Variants in CACNA1C observed in about 807,000 individuals in gnomAD.
The protein encoded by CACNA1C is calcium voltage-gated channel subunit alpha1 C, also known as voltage-dependent L-type calcium channel subunit alpha-1C.
Under a neutral mutation model 229.0 loss-of-function variants are expected in CACNA1C, and 30 were observed. The ratio of observed to expected loss-of-function variants is 0.13; its 90% confidence interval spans 0.10 to 0.18. The LOEUF (loss-of-function observed/expected upper bound fraction) is 0.18, where lower values mean the gene tolerates loss of function less well. CACNA1C is among the 10% of genes least tolerant of loss of function. CACNA1C has a pLI of 1.00. For missense variants in CACNA1C, 1,658 were observed against 2,845.0 expected, an observed-to-expected ratio of 0.58 and a Z score of 9.49; for synonymous variants, 1,114 against 1,132.5, an observed-to-expected ratio of 0.98 and a Z score of 0.33.
chr12:2,660,033 C>T (rs573942359), intron 34 of CACNA1C: 1 of 170,292 alleles, frequency 5.9e-6, no homozygotes, highest in Non-Finnish European at 1.3e-5. Context: ...AGCATATGGC[C>T]TCAGAAGTCG....
intron 9 of CACNA1C, among the ~76,000 whole-genome samples, chr12:2,518,173 G>A (rs1424189394): frequency 6.6e-6 from 1 of 152,218 alleles, no homozygotes; most frequent in African/African-American, 2.4e-5. Context: ...ACATATTACT[G>A]AGACAGGAAA....
intron 5 of CACNA1C, among the ~76,000 whole-genome samples, chr12:2,477,819 C>G (rs896500704): frequency 6.6e-5 from 10 of 152,136 alleles, no homozygotes; most frequent in Non-Finnish European, 1.2e-4. Context: ...TTGCCACTTC[C>G]AGGCCACCCT....
In CACNA1C at chr12:2,181,670, ATAT is replaced by A. The variant is rs1420857539; in HGVS notation, c.477+61242_477+61244del. 6.6e-6 allele frequency among the ~76,000 whole-genome samples: 1 copy of A among 152,150 alleles called. No homozygotes were observed. The highest frequency in any genetic ancestry group is 1.5e-5 in the Non-Finnish European group (1 of 68,030). ...CAGGGCAAGAAAAAGAAGAGCAATAATATTCTAGTTATTGTAGGCCAGGGGACC... is the reference window on the plus strand; with the variant it reads ...CAGGGCAAGAAAAAGAAGAGCAATAATCTAGTTATTGTAGGCCAGGGGACC... On this transcript the variant is annotated intron_variant, in intron 3 of 46. Coordinates refer to ENST00000399655, the MANE Select transcript of CACNA1C (RefSeq NM_000719.7). This position sits in a 1 kb window ranked among gnomAD's most constrained non-coding sequence, Gnocchi z 4.0.
At chr12:2,309,153 C>G (rs1209949074) in intron 3 of CACNA1C, among the ~76,000 whole-genome samples, 1 of 152,130 alleles carries the variant, frequency 6.6e-6, no homozygotes, top group Non-Finnish European at 1.5e-5. Flanking sequence ...GAATATTATT[C>G]AGTCTTAAAA....
In CACNA1C at chr12:2,034,391, G is replaced by A. The variant is rs917332612; in HGVS notation, c.139+63190G>A. On this transcript the variant is annotated intron_variant, in intron 1 of 46. Transcript: ENST00000682462. The surrounding 1 kb of genome is among the most constrained non-coding windows in gnomAD (Gnocchi z 4.1). ...AGATGTCAGAGGAACGAGATTCCAC[G>A]CAACCTGATAAAGAACTTGCTCATG... 6.6e-6 allele frequency among the ~76,000 whole-genome samples: 1 copy of A among 152,200 alleles called. No individual in the cohort carries two copies. Among genetic ancestry groups the A allele is most frequent in the East Asian group, 1.9e-4 (1 of 5,192 alleles).
intron 1 of CACNA1C, among the ~76,000 whole-genome samples, chr12:2,101,979 C>A (rs2283283): frequency 6.6e-6 from 1 of 151,922 alleles, no homozygotes; most frequent in Non-Finnish European, 1.5e-5. Flanking sequence ...GGGACAGTTA[C>A]GTTTTGAGTC....
Position 2,633,459 on chromosome 12 carries a change from C to T in CACNA1C, c.3829-838C>T, listed in dbSNP as rs1250682006. Among the ~76,000 whole-genome samples the T allele has an allele frequency of 6.6e-6, 1 of 152,160 alleles. No homozygotes were observed. The highest frequency in any genetic ancestry group is 1.5e-5 in the Non-Finnish European group (1 of 68,012). On this transcript the variant is annotated intron_variant, in intron 29 of 46. Coordinates refer to ENST00000399655, the MANE Select transcript of CACNA1C (RefSeq NM_000719.7). The surrounding 1 kb of genome is among the most constrained non-coding windows in gnomAD (Gnocchi z 5.8). Reference sequence around the variant, plus strand: ...GTAGGGTTAGAGTGTCGCCTCCCTGCTGCTCCTTCCTTGCTGGTGCTCCTG... The same window carrying T: ...GTAGGGTTAGAGTGTCGCCTCCCTGTTGCTCCTTCCTTGCTGGTGCTCCTG...
intron 30 of CACNA1C, among the ~76,000 whole-genome samples, chr12:2,642,018 G>A (rs968752234): frequency 1.3e-5 from 2 of 152,116 alleles, no homozygotes; most frequent in Non-Finnish European, 2.9e-5. Context: ...GGGTTGAGGG[G>A]GTGCAGACAG....
At chr12:2,536,465 A>C (rs934065149) in intron 9 of CACNA1C, among the ~76,000 whole-genome samples, 2 of 152,088 alleles carry the variant, frequency 1.3e-5, no homozygotes, top group Non-Finnish European at 2.9e-5. Flanking sequence ...TCAAAACTCT[A>C]CCACTATCTG....
intron 3 of CACNA1C, among the ~76,000 whole-genome samples, chr12:2,380,523 T>C (rs1290460530): frequency 1.3e-5 from 2 of 152,152 alleles, no homozygotes; most frequent in African/African-American, 4.8e-5. Flanking sequence ...AGCTGATGTT[T>C]TTCACCCCTC....
chr12:2,154,214 T>C (rs958395345), intron 3 of CACNA1C, among the ~76,000 whole-genome samples: 1 of 152,098 alleles, frequency 6.6e-6, no homozygotes, highest in African/African-American at 2.4e-5. Context: ...AGGCCCTACT[T>C]AAAAACAAAC....
intron 43 of CACNA1C, 77 bp downstream of exon 43, chr12:2,682,755 AT>A (rs2097209869): frequency 6.8e-7 from 1 of 1,466,400 alleles, no homozygotes; most frequent in South Asian, 1.2e-5. Context: ...GGTCCCTGAG[AT>A]CCCTCCTCTG....
chr12:2,499,499 C>CT (rs1472945793), intron 7 of CACNA1C, among the ~76,000 whole-genome samples: 1 of 152,156 alleles, frequency 6.6e-6, no homozygotes, highest in Non-Finnish European at 1.5e-5. Context: ...CCCTGTTTAT[C>CT]TTTTTGGGGA....
At position 2,486,261 on chromosome 12, in the gene CACNA1C, A is replaced by G; in HGVS notation, c.915A>G (p.Ala305=). 6.2e-7 allele frequency: 1 copy of G among 1,612,306 alleles called. No homozygotes were observed. Among genetic ancestry groups the G allele is most frequent in the Non-Finnish European group, 8.5e-7 (1 of 1,178,816 alleles). ...HKTCYNQEGI[A]DVPAEDDPSP... is the part of the protein sequence containing the mutation. ...CCTGCTACAACCAGGAGGGCATAGCAGGTAAGAGGGGCAGGCGGCTGCGCT... is the reference window on the plus strand; with the variant it reads ...CCTGCTACAACCAGGAGGGCATAGCGGGTAAGAGGGGCAGGCGGCTGCGCT... Residue 305 remains alanine (A), a splice_region_variant and synonymous_variant, in exon 6 of 47, where the codon GCA becomes GCG. Transcript: ENST00000399655. The surrounding 1 kb of genome is among the most constrained non-coding windows in gnomAD (Gnocchi z 4.9).
At chr12:2,079,841 A>T (rs1451981832) in intron 1 of CACNA1C, among the ~76,000 whole-genome samples, 1 of 152,244 alleles carries the variant, frequency 6.6e-6, no homozygotes, top group Non-Finnish European at 1.5e-5. Flanking sequence ...TCCAGGCTGA[A>T]GATGAGCTTA....
In CACNA1C at chr12:2,034,004, A is replaced by G. The variant is rs1283278285; in HGVS notation, c.139+62803A>G. Among the ~76,000 whole-genome samples the G allele has an allele frequency of 6.6e-6, 1 of 152,196 alleles. No individual in the cohort carries two copies. The highest frequency in any genetic ancestry group is 1.5e-5 in the Non-Finnish European group (1 of 68,026). ...GGCCTAGAGAAGCAAAGATTCGTAG[A>G]GAGGGGAGGAAGAGAATACAGTAAC... On this transcript the variant is annotated intron_variant, in intron 1 of 46. Coordinates refer to the CACNA1C transcript ENST00000682462. The surrounding 1 kb of genome is among the most constrained non-coding windows in gnomAD (Gnocchi z 4.1).
chr12:1,982,017 T>A (rs1330201225), intron 1 of CACNA1C, among the ~76,000 whole-genome samples: 2 of 152,172 alleles, frequency 1.3e-5, no homozygotes, highest in Non-Finnish European at 2.9e-5. Context: ...CAGCTTTAAA[T>A]GTTAGGTGAA....
intron 42 of CACNA1C, chr12:2,681,988 G>A (rs778978811): frequency 6.2e-7 from 1 of 1,611,760 alleles, no homozygotes. Context: ...CTGGAGCTCA[G>A]GAGGGATTCA....
chr12:2,035,960 G>C (rs888667497), intron 1 of CACNA1C, among the ~76,000 whole-genome samples: 3 of 152,168 alleles, frequency 2.0e-5, no homozygotes, highest in African/African-American at 4.8e-5. Context: ...TGCTTCAGGG[G>C]AGGAGAGGAT....
Sources: allele counts gnomAD v4.1 joint callset (sites outside exome capture counted in the v4.1 genomes callset), GRCh38; gene constraint gnomAD v4.1.1; non-coding constraint Gnocchi (gnomAD v3.1); transcripts MANE v1.5; gene names NCBI Gene and HGNC (gene_info 2026-07-23, HGNC 2026-07-21).